SPIN1: variants seen among roughly 807,000 people sequenced by gnomAD.
SPIN1 encodes the protein spindlin 1.
A neutral mutation model predicts 26.0 loss-of-function variants in SPIN1; 3 were observed. The observed-to-expected ratio is 0.12, with a 90% CI of 0.05 to 0.30. The LOEUF (loss-of-function observed/expected upper bound fraction) is 0.30, where lower values mean the gene tolerates loss of function less well. Among genes scored for constraint, SPIN1 ranks in the 10% least tolerant of loss-of-function variants. The pLI is 1.00. For synonymous variants in SPIN1, 101 were observed against 116.5 expected, an observed-to-expected ratio of 0.87 and a Z score of 0.86; for missense variants, 126 against 333.4, an observed-to-expected ratio of 0.38 and a Z score of 4.84.
intron 3 of SPIN1, among the ~76,000 whole-genome samples, chr9:88,459,686 A>G (rs572800802): frequency 8.5e-5 from 13 of 152,332 alleles, no homozygotes; most frequent in African/African-American, 2.9e-4. Context: ...CATTTGTTCT[A>G]CAGTTAAATG....
At chr9:88,452,111 C>T (rs1025960678) in intron 3 of SPIN1, among the ~76,000 whole-genome samples, 10 of 152,166 alleles carry the variant, frequency 6.6e-5, no homozygotes, top group African/African-American at 2.4e-4. Context: ...TTTCTTTCCT[C>T]CCATTTTATA....
At position 88,448,924 on chromosome 9, in the gene SPIN1, A is replaced by G. The variant is rs772674877; in HGVS notation, c.53-17A>G. ...TTTATCTGGTTTTCATTGACTATATACTCATCTCTCTTACAGGCCATGCTG... is the reference window on the plus strand; with the variant it reads ...TTTATCTGGTTTTCATTGACTATATGCTCATCTCTCTTACAGGCCATGCTG... On this transcript the variant is annotated splice_polypyrimidine_tract_variant and intron_variant, in intron 2 of 5. Transcript: ENST00000375859. 3 of 1,612,416 alleles carry G rather than the reference A, an allele frequency of 1.9e-6. No homozygotes were observed. In the South Asian group the frequency reaches 3.3e-5, roughly 18 times the overall value.
At chr9:88,417,304 G>A (rs967173968) in intron 1 of SPIN1, among the ~76,000 whole-genome samples, 1 of 152,056 alleles carries the variant, frequency 6.6e-6, no homozygotes, top group Admixed American at 6.5e-5. Flanking sequence ...GATCAAATGT[G>A]TGTGGGTTTT....
intron 2 of SPIN1, among the ~76,000 whole-genome samples, chr9:88,428,621 C>T (rs1827805214): frequency 6.6e-6 from 1 of 152,112 alleles, no homozygotes; most frequent in Admixed American, 6.6e-5. Context: ...GTATAAGTAA[C>T]TGAAGGAACT....
At position 88,388,489 on chromosome 9, in the gene SPIN1, G is replaced by T. The variant is rs1439678198; in HGVS notation, c.-208G>T. 6.8e-6 allele frequency: 1 copy of T among 147,904 alleles called. No homozygotes were observed. Among genetic ancestry groups the T allele is most frequent in the South Asian group, 2.1e-4 (1 of 4,828 alleles). 9.2% of individuals were successfully genotyped at this position (147,904 alleles called of 1,614,324 possible). A position where few individuals can be genotyped will look rare whatever the true frequency, so the allele number is the denominator to read the frequency against. ...CTGGGGCCGGCGGGAGCGCGAACGA[G>T]CGACGGCGGAACCCGTGGGCCTGTG... On this transcript the variant is annotated 5_prime_UTR_variant, in exon 1 of 6. Coordinates refer to ENST00000375859, the MANE Select transcript of SPIN1 (RefSeq NM_006717.3).
At chr9:88,411,186 C>A (rs1190436685) in intron 1 of SPIN1, 15 of 1,322,964 alleles carry the variant, frequency 1.1e-5, no homozygotes, top group Non-Finnish European at 1.6e-5. Flanking sequence ...TAAGAATCTT[C>A]TGTTGAGACA....
intron 2 of SPIN1, among the ~76,000 whole-genome samples, chr9:88,438,491 C>T (rs925200018): frequency 1.8e-4 from 27 of 152,084 alleles, no homozygotes; most frequent in East Asian, 1.9e-4. Context: ...GTGTATTTTC[C>T]GTGTGAACTT....
rs112763963 is a variant in SPIN1 at position 88,425,264 on chromosome 9, G to A, written c.-158-1118G>A. Among the ~76,000 whole-genome samples the A allele has an allele frequency of 9.9e-3, 1,513 of 152,222 alleles. 29 individuals carry two copies. Among genetic ancestry groups the A allele is most frequent in the African/African-American group, 0.034 (1,412 of 41,528 alleles). On this transcript the variant is annotated intron_variant, in intron 1 of 5. Transcript: ENST00000375859. ...GATGTGGCAGCTGGATAGGCTCTCA[G>A]GGAAAGGTGAGTAAGCAACCAGTTG...
chr9:88,392,743 G>A (rs1197306616), intron 1 of SPIN1, among the ~76,000 whole-genome samples: 1 of 151,954 alleles, frequency 6.6e-6, no homozygotes, highest in African/African-American at 2.4e-5. Flanking sequence ...CCTCATCAGG[G>A]GTGAGCTTAA....
At position 88,420,843 on chromosome 9, in the gene SPIN1, T is replaced by G. The variant is rs192687091; in HGVS notation, c.-158-5539T>G. On this transcript the variant is annotated intron_variant, in intron 1 of 5. Transcript: ENST00000375859. ...ACTCAGATCCCATTATCACATTTCT[T>G]TAAGGCTGAAAATAATTTAAAAACT... Among the ~76,000 whole-genome samples the G allele has an allele frequency of 5.7e-4, 87 of 152,328 alleles. 1 individual carries two copies. The Middle Eastern group carries it at 0.02, about 36-fold the overall frequency.
chr9:88,452,044 C>T (rs1182954717), intron 3 of SPIN1, among the ~76,000 whole-genome samples: 1 of 152,156 alleles, frequency 6.6e-6, no homozygotes, highest in African/African-American at 2.4e-5. Flanking sequence ...ATATTTTTCA[C>T]TAACTTAGAA....
In SPIN1 at chr9:88,395,059, C is replaced by T. The variant is rs985194169; in HGVS notation, c.-159+6521C>T. Among the ~76,000 whole-genome samples, 7 of 151,908 alleles carry T rather than the reference C, an allele frequency of 4.6e-5. 1 individual carries two copies. Among genetic ancestry groups the T allele is most frequent in the East Asian group, 1.9e-4 (1 of 5,196 alleles). On this transcript the variant is annotated intron_variant, in intron 1 of 5. Transcript: ENST00000375859. ...TCCTGACCTCGTGATCTGTCCGCCT[C>T]GGCCTGCCAAAGTGCTGGGATTACA...
chr9:88,468,424 A>G lies in SPIN1; in HGVS notation c.408A>G (p.Ala136=), dbSNP rs768056586. ...TGGCAGACACAATGATTGGCAAAGC[A>G]GTGGAACATATGTTTGAGACAGAGG... ...AHLADTMIGK[A]VEHMFETEDG... The change falls in exon 5 of 6, where the codon GCA becomes GCG. Residue 136 remains alanine, a synonymous_variant. Transcript: ENST00000375859. 3 of 1,612,466 alleles carry G rather than the reference A, an allele frequency of 1.9e-6. No homozygotes were observed.
At chr9:88,405,075 T>C (rs550231195) in intron 1 of SPIN1, among the ~76,000 whole-genome samples, 8 of 152,288 alleles carry the variant, frequency 5.3e-5, no homozygotes, top group Non-Finnish European at 1.0e-4. Context: ...GAGTACCTCC[T>C]GAAGGACCTG....
chr9:88,395,934 C>T (rs1827045022), intron 1 of SPIN1, among the ~76,000 whole-genome samples: 1 of 152,006 alleles, frequency 6.6e-6, no homozygotes, highest in Admixed American at 6.6e-5. Context: ...GTAATCCCAG[C>T]TACTCGGGAG....
intron 1 of SPIN1, among the ~76,000 whole-genome samples, chr9:88,413,300 T>G (rs901083178): frequency 6.7e-6 from 1 of 149,598 alleles, no homozygotes; most frequent in African/African-American, 2.5e-5. Context: ...TCAGGTGATC[T>G]GCCTGCCTTG....
intron 1 of SPIN1, among the ~76,000 whole-genome samples, chr9:88,418,471 TG>T (rs1368164845): frequency 6.6e-6 from 1 of 152,228 alleles, no homozygotes; most frequent in Non-Finnish European, 1.5e-5. Flanking sequence ...AGTTTACACT[TG>T]ACATGTTTCA....
chr9:88,419,831 C>T (rs1428875912), intron 1 of SPIN1, among the ~76,000 whole-genome samples: 1 of 152,218 alleles, frequency 6.6e-6, no homozygotes, highest in Admixed American at 6.5e-5. Flanking sequence ...AATGGAGCCA[C>T]TCATGCTGAG....
intron 2 of SPIN1, among the ~76,000 whole-genome samples, chr9:88,433,431 G>A (rs1336982203): frequency 6.6e-6 from 1 of 151,958 alleles, no homozygotes; most frequent in Non-Finnish European, 1.5e-5. Flanking sequence ...TGTTGCTGAC[G>A]AGTTTCTTTG....
Sources: allele counts gnomAD v4.1 joint callset (sites outside exome capture counted in the v4.1 genomes callset), GRCh38; gene constraint gnomAD v4.1.1; transcripts MANE v1.5; gene names NCBI Gene and HGNC (gene_info 2026-07-23, HGNC 2026-07-21).